Variants in DOK6 observed in about 807,000 individuals in gnomAD.
DOK6 encodes docking protein 6.
DOK6 carries 22 observed loss-of-function variants against 44.0 expected under a neutral mutation model. The observed-to-expected ratio is 0.50, with a 90% CI of 0.36 to 0.71. DOK6 has a LOEUF of 0.71. Among genes scored for constraint, DOK6 ranks in the 30% least tolerant of loss-of-function variants. The pLI, the probability that DOK6 is intolerant of heterozygous loss-of-function variation, is 0.00. For missense variants in DOK6, 340 were observed against 416.4 expected (o/e 0.82, Z 1.60); for synonymous variants, 166 against 145.5 (o/e 1.14, Z -1.01).
At position 69,841,791 on chromosome 18, in the gene DOK6, G is replaced by A. The variant is rs1418884187; in HGVS notation, c.*408G>A. ...ACAGGGTCTGTCCTTAGACATAATGGTGACCCTCCACAAGCTCTGTGGCTT... is the reference window on the plus strand; with the variant it reads ...ACAGGGTCTGTCCTTAGACATAATGATGACCCTCCACAAGCTCTGTGGCTT... On this transcript the variant is annotated 3_prime_UTR_variant, in exon 8 of 8. Coordinates refer to ENST00000382713, the MANE Select transcript of DOK6 (RefSeq NM_152721.6). The A allele has an allele frequency of 6.0e-6, 1 of 166,014 alleles. No individual in the cohort carries two copies. Among genetic ancestry groups the A allele is most frequent in the African/African-American group, 2.4e-5 (1 of 42,018 alleles). The allele number at this position is 166,014 out of a possible 1,614,324, so 10.3% of individuals were successfully genotyped here. A position where few individuals can be genotyped will look rare whatever the true frequency, so the allele number is the denominator to read the frequency against.
intron 7 of DOK6, among the ~76,000 whole-genome samples, chr18:69,789,827 T>C (rs1428676394): frequency 6.6e-6 from 1 of 152,216 alleles, no homozygotes; most frequent in Non-Finnish European, 1.5e-5. Flanking sequence ...ACACTTTTTC[T>C]TCTTTACTTG....
intron 7 of DOK6, among the ~76,000 whole-genome samples, chr18:69,806,314 G>A (rs1009414787): frequency 6.6e-6 from 1 of 151,926 alleles, no homozygotes; most frequent in Admixed American, 6.6e-5. Context: ...ATATAAAAAT[G>A]TTCAGAAGCA....
At chr18:69,510,574 C>A (rs1981338983) in intron 1 of DOK6, among the ~76,000 whole-genome samples, 1 of 152,078 alleles carries the variant, frequency 6.6e-6, no homozygotes, top group Admixed American at 6.5e-5. Context: ...TATGAATGGC[C>A]ATTACCAACG....
At chr18:69,443,959 A>G (rs1385960951) in intron 1 of DOK6, among the ~76,000 whole-genome samples, 1 of 151,664 alleles carries the variant, frequency 6.6e-6, no homozygotes, top group Non-Finnish European at 1.5e-5. Flanking sequence ...GTACACACAC[A>G]TAATCATATA....
chr18:69,672,768 T>C (rs1985835788), intron 3 of DOK6, among the ~76,000 whole-genome samples: 1 of 151,754 alleles, frequency 6.6e-6, no homozygotes, highest in African/African-American at 2.4e-5. Flanking sequence ...GCCAGTTAAG[T>C]AGAAAGTCAC....
intron 6 of DOK6, among the ~76,000 whole-genome samples, chr18:69,747,965 C>T (rs2144745702): frequency 6.6e-6 from 1 of 152,084 alleles, no homozygotes; most frequent in East Asian, 1.9e-4. Flanking sequence ...CTGGTCAAAA[C>T]AATCACCAAG....
chr18:69,655,693 C>T (rs1471787523), intron 3 of DOK6, among the ~76,000 whole-genome samples: 1 of 137,486 alleles, frequency 7.3e-6, no homozygotes, highest in African/African-American at 2.8e-5. Context: ...GTGGAGGTGG[C>T]AGTGAGCAAA....
At chr18:69,538,182 G>A (rs1982172582) in intron 1 of DOK6, among the ~76,000 whole-genome samples, 1 of 152,136 alleles carries the variant, frequency 6.6e-6, no homozygotes, top group Non-Finnish European at 1.5e-5. Context: ...GCTGAAATAT[G>A]AGAACTTACA....
At chr18:69,484,255 T>G (rs1444422936) in intron 1 of DOK6, among the ~76,000 whole-genome samples, 2 of 152,138 alleles carry the variant, frequency 1.3e-5, no homozygotes, top group Non-Finnish European at 2.9e-5. Flanking sequence ...AATACGTATA[T>G]GTCTTTAAAA....
intron 7 of DOK6, among the ~76,000 whole-genome samples, chr18:69,780,286 A>C (rs929035682): frequency 1.3e-5 from 2 of 152,122 alleles, no homozygotes; most frequent in Non-Finnish European, 2.9e-5. Flanking sequence ...CCAAATAGCC[A>C]TATATTTTCC....
At chr18:69,557,510 G>A (rs1211187035) in intron 1 of DOK6, among the ~76,000 whole-genome samples, 2 of 152,228 alleles carry the variant, frequency 1.3e-5, no homozygotes, top group Admixed American at 6.5e-5. Flanking sequence ...ATTGCTATGC[G>A]GTAAAATGGT....
chr18:69,580,020 C>G (rs1244945445), intron 2 of DOK6, among the ~76,000 whole-genome samples: 12 of 152,242 alleles, frequency 7.9e-5, no homozygotes, highest in African/African-American at 2.4e-4. Context: ...ATTTTTTATG[C>G]AGTTCAAATA....
chr18:69,634,525 G>T (rs1984759812), intron 3 of DOK6, among the ~76,000 whole-genome samples: 2 of 152,192 alleles, frequency 1.3e-5, no homozygotes, highest in Admixed American at 1.3e-4. Flanking sequence ...AATTAGATAA[G>T]ATGATCTTTA....
chr18:69,466,054 T>A (rs1979917178), intron 1 of DOK6, among the ~76,000 whole-genome samples: 1 of 152,242 alleles, frequency 6.6e-6, no homozygotes, highest in Non-Finnish European at 1.5e-5. Flanking sequence ...TTTTAGCATT[T>A]GGTAAGTATA....
intron 4 of DOK6, among the ~76,000 whole-genome samples, chr18:69,682,593 T>A (rs527680060): frequency 6.6e-6 from 1 of 152,182 alleles, no homozygotes; most frequent in African/African-American, 2.4e-5. Context: ...CTTTGAATAT[T>A]TCATGTCCAC....
chr18:69,632,699 G>A (rs193049190), intron 3 of DOK6, among the ~76,000 whole-genome samples: 1,649 of 152,272 alleles, frequency 0.011, 23 homozygotes, highest in African/African-American at 0.038. Flanking sequence ...CACAATTTCA[G>A]TAGCCACTTT....
At chr18:69,526,883 A>G (rs1391692134) in intron 1 of DOK6, among the ~76,000 whole-genome samples, 1 of 152,200 alleles carries the variant, frequency 6.6e-6, no homozygotes, top group Non-Finnish European at 1.5e-5. Context: ...ACATGGAACC[A>G]TCTGTATCTA....
intron 2 of DOK6, among the ~76,000 whole-genome samples, chr18:69,598,034 C>T (rs921622016): frequency 2.6e-5 from 4 of 152,126 alleles, no homozygotes; most frequent in Non-Finnish European, 4.4e-5. Flanking sequence ...TGCTCATTTC[C>T]ATCCACATTA....
intron 5 of DOK6, among the ~76,000 whole-genome samples, chr18:69,703,023 G>A (rs917151204): frequency 1.4e-5 from 2 of 146,594 alleles, no homozygotes; most frequent in East Asian, 2.1e-4. Flanking sequence ...AGTTTCCTAA[G>A]TCATTTAATT....
Sources: gnomAD v4.1 joint callset for allele counts (sites outside exome capture counted in the v4.1 genomes callset) on GRCh38, gnomAD v4.1.1 for gene constraint, MANE v1.5 for transcripts, NCBI Gene and HGNC (gene_info 2026-07-23, HGNC 2026-07-21) for gene names.